The following ITCH variants were observed in gnomAD, a reference collection of about 807,000 sequenced individuals.
ITCH encodes E3 ubiquitin-protein ligase Itchy homolog.
ITCH carries 28 observed loss-of-function variants against 126.8 expected under a neutral mutation model. That is an observed-to-expected ratio of 0.22 (90% CI 0.16 to 0.30). The LOEUF is 0.30. ITCH is among the 10% of genes least tolerant of loss of function. The pLI is 1.00. For synonymous variants in ITCH, 342 were observed against 340.0 expected, an observed-to-expected ratio of 1.01 and a Z score of -0.06; for missense variants, 631 against 1,032.4, an observed-to-expected ratio of 0.61 and a Z score of 5.33.
chr20:34,374,446 C>T (rs2037758424), intron 2 of ITCH, among the ~76,000 whole-genome samples: 1 of 152,144 alleles, frequency 6.6e-6, no homozygotes, highest in Non-Finnish European at 1.5e-5. Context: ...AGCATATATA[C>T]ATAGGTATTA....
At chr20:34,395,940 G>T (rs1198597081) in intron 3 of ITCH, among the ~76,000 whole-genome samples, 1 of 151,640 alleles carries the variant, frequency 6.6e-6, no homozygotes, top group Non-Finnish European at 1.5e-5. Context: ...TATGTTTTCA[G>T]TTTTCTTGGG....
rs1375036470 is a variant in ITCH, at chr20:34,440,193, G to T, written c.718G>T (p.Asp240Tyr). The T allele has an allele frequency of 6.2e-7, 1 of 1,613,814 alleles. No homozygotes were observed. ...NGSPSATSES[D>Y]GSSTGSLPPT... Reference sequence around the variant, plus strand: ...TTCACCATCTGCCACTTCTGAAAGTGATGGGTCTAGTACAGGCTCTCTGCC... The same window carrying T: ...TTCACCATCTGCCACTTCTGAAAGTTATGGGTCTAGTACAGGCTCTCTGCC... Residue 240 changes from aspartate (D) to tyrosine (Y), a missense_variant, in exon 9 of 25, where the codon GAT becomes TAT. Physicochemically the swap from Asp to Tyr is radical, Grantham distance 160. This residue lies in a region of ITCH where 220 missense variants were observed against 265.7 expected (regional missense o/e 0.83). Coordinates refer to ENST00000374864, the MANE Select transcript of ITCH (RefSeq NM_031483.7).
intron 10 of ITCH, among the ~76,000 whole-genome samples, chr20:34,445,083 T>A (rs370587022): frequency 6.6e-6 from 1 of 152,208 alleles, no homozygotes; most frequent in East Asian, 1.9e-4. Flanking sequence ...ATGTATTGCA[T>A]TTTAAGAACC....
chr20:34,432,311 A>G (rs1361707942), intron 7 of ITCH, among the ~76,000 whole-genome samples: 1 of 152,176 alleles, frequency 6.6e-6, no homozygotes, highest in Non-Finnish European at 1.5e-5. Flanking sequence ...ATAGAAATAT[A>G]AAACTCTTAT....
At chr20:34,398,909 C>G (rs1193193928) in intron 3 of ITCH, among the ~76,000 whole-genome samples, 2 of 151,932 alleles carry the variant, frequency 1.3e-5, no homozygotes, top group Non-Finnish European at 2.9e-5. Flanking sequence ...AATCAAATGC[C>G]CTTCATAATT....
At chr20:34,465,092 T>A (rs1986925629) in intron 14 of ITCH, among the ~76,000 whole-genome samples, 1 of 152,216 alleles carries the variant, frequency 6.6e-6, no homozygotes, top group Admixed American at 6.5e-5. Context: ...TGGGTAAGGG[T>A]CCAACTTCAT....
intron 23 of ITCH, among the ~76,000 whole-genome samples, chr20:34,495,319 A>ACACACG (rs1989803584): frequency 6.7e-6 from 1 of 148,150 alleles, no homozygotes. Context: ...ATATATATAC[A>ACACACG]CACGCACACA....
At chr20:34,368,686 G>A (rs2037509302) in intron 1 of ITCH, among the ~76,000 whole-genome samples, 1 of 152,160 alleles carries the variant, frequency 6.6e-6, no homozygotes, top group African/African-American at 2.4e-5. Context: ...GTCTAGCAGT[G>A]TACTGTCCTT....
chr20:34,496,819 AAAG>A (rs1989920069), intron 23 of ITCH, among the ~76,000 whole-genome samples: 1 of 151,728 alleles, frequency 6.6e-6, no homozygotes, highest in African/African-American at 2.4e-5. Flanking sequence ...AAAAAAAAAA[AAAG>A]AAAAGAGAAA....
chr20:34,471,399 CTATTT>C, intron 15 of ITCH, 40 bp from the exon 16 acceptor site: 1 of 1,105,652 alleles, frequency 9.0e-7, no homozygotes, highest in Non-Finnish European at 1.4e-6. Flanking sequence ...TTTTGATAGG[CTATTT>C]TAATGATGAG....
intron 3 of ITCH, among the ~76,000 whole-genome samples, chr20:34,403,122 T>G (rs2038943028): frequency 6.6e-6 from 1 of 152,184 alleles, no homozygotes; most frequent in Non-Finnish European, 1.5e-5. Context: ...TAGCTGTTGC[T>G]CAACTGGATT....
intron 1 of ITCH, among the ~76,000 whole-genome samples, chr20:34,364,126 A>T (rs900135615): frequency 1.3e-5 from 2 of 152,228 alleles, no homozygotes; most frequent in Non-Finnish European, 1.5e-5. Context: ...TCCGCGACAG[A>T]AAAGAGAATC....
At chr20:34,420,047 A>G (rs1219878654) in intron 6 of ITCH, among the ~76,000 whole-genome samples, 1 of 152,040 alleles carries the variant, frequency 6.6e-6, no homozygotes. Flanking sequence ...GTTTATTTTC[A>G]GCTTTACAAT....
chr20:34,417,254 G>A (rs767595293), intron 6 of ITCH: 305 of 568,348 alleles, frequency 5.4e-4, no homozygotes, highest in Non-Finnish European at 9.5e-5. Context: ...GCACCACCAC[G>A]CCTGGCTAAT....
intron 3 of ITCH, among the ~76,000 whole-genome samples, chr20:34,406,041 A>T (rs1186712096): frequency 2.8e-4 from 39 of 140,764 alleles, no homozygotes; most frequent in Non-Finnish European, 2.4e-4. Flanking sequence ...TTTTTTTTTA[A>T]AAGACAGTTT....
At chr20:34,402,996 A>T (rs2038938793) in intron 3 of ITCH, among the ~76,000 whole-genome samples, 1 of 152,012 alleles carries the variant, frequency 6.6e-6, no homozygotes. Context: ...GACCAAAAAG[A>T]TCCCTTATAC....
At chr20:34,503,906 G>C (rs1247107274) in intron 23 of ITCH, among the ~76,000 whole-genome samples, 3 of 114,020 alleles carry the variant, frequency 2.6e-5, no homozygotes, top group Non-Finnish European at 5.0e-5. Flanking sequence ...TTTTGAGATA[G>C]GGTCTCGTTC....
At chr20:34,423,895 A>T (rs1249752570) in intron 6 of ITCH, among the ~76,000 whole-genome samples, 1 of 152,134 alleles carries the variant, frequency 6.6e-6, no homozygotes, top group African/African-American at 2.4e-5. Context: ...AAGCTGTTGC[A>T]CCTGGCTCCT....
intron 2 of ITCH, among the ~76,000 whole-genome samples, chr20:34,383,051 A>G (rs954009725): frequency 6.7e-6 from 1 of 150,106 alleles, no homozygotes; most frequent in Non-Finnish European, 1.5e-5. Flanking sequence ...CCTTTTTTAA[A>G]TTTTTTTTCA....
Sources: allele counts gnomAD v4.1 joint callset (sites outside exome capture counted in the v4.1 genomes callset), GRCh38; gene constraint gnomAD v4.1.1; regional missense constraint gnomAD v4.1.1; transcripts MANE v1.5; gene names NCBI Gene and HGNC (gene_info 2026-07-23, HGNC 2026-07-21).